PIGU: variants seen among roughly 807,000 people sequenced by gnomAD.
PIGU encodes the protein phosphatidylinositol glycan anchor biosynthesis class U.
In PIGU, 24 loss-of-function variants were observed where a neutral mutation model predicts 49.9. The observed-to-expected ratio is 0.48, with a 90% confidence interval of 0.35 to 0.68. The LOEUF is 0.68. Among genes scored for constraint, PIGU ranks in the 30% least tolerant of loss-of-function variants. PIGU has a pLI of 0.01. For synonymous variants in PIGU, 220 were observed against 205.7 expected (o/e 1.07, Z -0.59); for missense variants, 490 against 532.6 (o/e 0.92, Z 0.79).
chr20:34,571,668 C>T (rs1485770219), intron 11 of PIGU, among the ~76,000 whole-genome samples: 1 of 152,154 alleles, frequency 6.6e-6, no homozygotes, highest in East Asian at 1.9e-4. Context: ...TGGGTTTGGG[C>T]TGCGCAGGAC....
chr20:34,645,227 A>G, intron 3 of PIGU, 48 bp downstream of exon 3: 1 of 1,462,076 alleles, frequency 6.8e-7, no homozygotes, highest in East Asian at 2.7e-5. Flanking sequence ...AATAAACCAT[A>G]AAATTTAAAA....
At position 34,611,681 on chromosome 20, in the gene PIGU, A is replaced by AC. The variant is rs200682604; in HGVS notation, c.627+4360dup. The stretch of plus-strand genomic sequence containing the variant: ...AAAAAAAAAAGACAAAAAAAAAAAA[A>AC]CCAAACATCAAAAAGTGGGCAAAGG... On this transcript the variant is annotated intron_variant, in intron 7 of 11. Coordinates refer to ENST00000217446, the MANE Select transcript of PIGU (RefSeq NM_080476.5). 8.6e-5 allele frequency among the ~76,000 whole-genome samples: 13 copies of AC among 150,630 alleles called. No homozygotes were observed. In the East Asian group the frequency reaches 2.3e-3, roughly 27 times the overall value.
At position 34,641,452 on chromosome 20, in the gene PIGU, T is replaced by C. The variant is rs1986159691; in HGVS notation, c.318+2712A>G. On this transcript the variant is annotated intron_variant, in intron 4 of 11. Coordinates refer to ENST00000217446, the MANE Select transcript of PIGU (RefSeq NM_080476.5). ...CAAACCACCTGCAGCTCTCTTAACA[T>C]AAATTCTGAGTTCCAAACAAGAAGC... 3.9e-5 allele frequency among the ~76,000 whole-genome samples: 6 copies of C among 152,276 alleles called. No individual in the cohort carries two copies. The South Asian group carries it at 1.2e-3, about 32-fold the overall frequency.
chr20:34,645,188 A>G lies in PIGU; in HGVS notation c.255+87T>C, dbSNP rs1320997104. The G allele has an allele frequency of 2.2e-5, 4 of 178,892 alleles. No homozygotes were observed. The Admixed American group carries it at 2.9e-4, about 13-fold the overall frequency. The allele number at this position is 178,892 out of a possible 1,614,324, so 11.1% of individuals were successfully genotyped here. A position where few individuals can be genotyped will look rare whatever the true frequency, so the allele number is the denominator to read the frequency against. On this transcript the variant is annotated intron_variant, in intron 3 of 11. Transcript: ENST00000217446. ...GGGCAACACAGTGAGACCCCATCTC[A>G]AAAAAAAAAAAAAAAGAGAGAGAGA...
chr20:34,650,447 T>C (rs1358823220), intron 2 of PIGU, among the ~76,000 whole-genome samples: 2 of 151,586 alleles, frequency 1.3e-5, no homozygotes, highest in African/African-American at 4.8e-5. Flanking sequence ...GTTTTTGTAT[T>C]TTTGGTAGAT....
intron 1 of PIGU, among the ~76,000 whole-genome samples, chr20:34,670,324 G>C (rs940812519): frequency 6.6e-6 from 1 of 151,530 alleles, no homozygotes; most frequent in African/African-American, 2.4e-5. Context: ...TGAGTAGCTG[G>C]GACTACAGGC....
Position 34,655,394 on chromosome 20 carries a change from G to A in PIGU, c.195+1786C>T, listed in dbSNP as rs553327758. Among the ~76,000 whole-genome samples the A allele has an allele frequency of 1.7e-5, 2 of 118,946 alleles. 1 individual carries two copies. The highest frequency in any genetic ancestry group is 6.2e-5 in the African/African-American group (2 of 32,404). 78.0% of individuals were successfully genotyped at this position (118,946 alleles called of 152,430 possible). ...GCCAATAAGAACGGAAAGGGCAGTG[G>A]GACGCGGTGGCTCACGCCTGTAATC... is the stretch of plus-strand genomic sequence containing the variant. On this transcript the variant is annotated intron_variant, in intron 2 of 11. Transcript: ENST00000217446.
At chr20:34,676,872 G>A in intron 1 of PIGU, 84 bp downstream of exon 1, 1 of 1,532,674 alleles carries the variant, frequency 6.5e-7, no homozygotes. Flanking sequence ...CCGCGCGCTG[G>A]CGGTCACTGC....
rs561486955 is a variant in PIGU at position 34,632,713 on chromosome 20, CA to C, written c.529+1901del. On this transcript the variant is annotated intron_variant, in intron 6 of 11. Transcript: ENST00000217446. ...CTACTGAGAAAGTACTTCAGAAAAA[CA>C]GAAAAAAATCAATAAAAAAGAGAAG... is the stretch of plus-strand genomic sequence containing the variant. 5.9e-5 allele frequency among the ~76,000 whole-genome samples: 9 copies of C among 151,732 alleles called. No homozygotes were observed. In the East Asian group the frequency reaches 1.7e-3, roughly 29 times the overall value.
chr20:34,661,735 A>G (rs114424186), intron 1 of PIGU, among the ~76,000 whole-genome samples: 2,495 of 152,172 alleles, frequency 0.016, 75 homozygotes, highest in African/African-American at 0.057. Context: ...TATACCTAGT[A>G]ATGGGATTGA....
At chr20:34,597,094 A>G (rs1201948072) in intron 7 of PIGU, among the ~76,000 whole-genome samples, 1 of 152,208 alleles carries the variant, frequency 6.6e-6, no homozygotes, top group African/African-American at 2.4e-5. Context: ...GGATTCTAGC[A>G]AAGCTAAACG....
chr20:34,562,819 G>C (rs1982585687), intron 11 of PIGU, among the ~76,000 whole-genome samples: 1 of 152,236 alleles, frequency 6.6e-6, no homozygotes, highest in Admixed American at 6.5e-5. Flanking sequence ...CCACTGGGGG[G>C]CAGTGATCAC....
At chr20:34,563,880 G>A (rs2146688261) in intron 11 of PIGU, among the ~76,000 whole-genome samples, 1 of 152,308 alleles carries the variant, frequency 6.6e-6, no homozygotes, top group South Asian at 2.1e-4. Flanking sequence ...TGGCTAGCAT[G>A]TAACCCCAAT....
At chr20:34,583,671 A>G (rs1476469667) in intron 9 of PIGU, among the ~76,000 whole-genome samples, 2 of 152,184 alleles carry the variant, frequency 1.3e-5, no homozygotes, top group African/African-American at 2.4e-5. Flanking sequence ...TCTTCACCCC[A>G]TGGCTGGGCC....
At chr20:34,649,551 C>T (rs1986463128) in intron 2 of PIGU, among the ~76,000 whole-genome samples, 3 of 149,610 alleles carry the variant, frequency 2.0e-5, no homozygotes, top group Non-Finnish European at 4.4e-5. Context: ...GACGGAGTCT[C>T]GCTCTGTCAC....
chr20:34,640,652 G>A (rs1195559856), intron 4 of PIGU, among the ~76,000 whole-genome samples: 1 of 152,112 alleles, frequency 6.6e-6, no homozygotes, highest in African/African-American at 2.4e-5. Context: ...ACAATGACAG[G>A]AGAGATTAAA....
chr20:34,602,533 G>A (rs1984464952), intron 7 of PIGU, among the ~76,000 whole-genome samples: 1 of 151,884 alleles, frequency 6.6e-6, no homozygotes, highest in Non-Finnish European at 1.5e-5. Flanking sequence ...GGAGGTGGAG[G>A]TTGCAGTGAG....
intron 7 of PIGU, among the ~76,000 whole-genome samples, chr20:34,608,364 G>A (rs1021692222): frequency 3.9e-5 from 6 of 152,240 alleles, no homozygotes; most frequent in South Asian, 2.1e-4. Context: ...GTGAGCCACC[G>A]TGCCCAGCCA....
intron 10 of PIGU, among the ~76,000 whole-genome samples, chr20:34,580,044 G>A (rs557185400): frequency 3.3e-5 from 5 of 152,312 alleles, no homozygotes; most frequent in South Asian, 2.1e-4. Context: ...CATGGGGCTC[G>A]TAATGGCAAT....
Sources: allele counts gnomAD v4.1 joint callset (sites outside exome capture counted in the v4.1 genomes callset), GRCh38; gene constraint gnomAD v4.1.1; transcripts MANE v1.5; gene names NCBI Gene and HGNC (gene_info 2026-07-23, HGNC 2026-07-21).